Variants in YME1L1 observed in about 807,000 individuals in gnomAD.
YME1L1 encodes YME1 like 1 ATPase.
YME1L1 carries 39 observed loss-of-function variants against 90.4 expected under a neutral mutation model. The observed-to-expected ratio is 0.43, with a 90% confidence interval of 0.33 to 0.56. The LOEUF is 0.56. Among genes scored for constraint, YME1L1 ranks in the 20% least tolerant of loss-of-function variants. YME1L1 has a pLI of 0.03. For missense variants in YME1L1, 617 were observed against 868.4 expected (o/e 0.71, Z 3.64); for synonymous variants, 284 against 287.3 (o/e 0.99, Z 0.12).
At chr10:27,139,812 C>T (rs564070705) in intron 4 of YME1L1, among the ~76,000 whole-genome samples, 87 of 152,274 alleles carry the variant, frequency 5.7e-4, no homozygotes, top group African/African-American at 2.1e-3. Context: ...AATTCCCACT[C>T]ATACTTCTAA....
intron 8 of YME1L1, among the ~76,000 whole-genome samples, chr10:27,130,708 C>G (rs1342025560): frequency 6.6e-6 from 1 of 152,150 alleles, no homozygotes; most frequent in Non-Finnish European, 1.5e-5. Flanking sequence ...AAAAAATTAG[C>G]TGGGCGTGGT....
At position 27,111,875 on chromosome 10, in the gene YME1L1, C is replaced by T. The variant is rs772175527; in HGVS notation, c.*102G>A. ...CAAAGCATTTCACACCCTTCAATTACACCACATCAAGAATGAGGGGAAAGC... is the reference window on the plus strand; with the variant it reads ...CAAAGCATTTCACACCCTTCAATTATACCACATCAAGAATGAGGGGAAAGC... On this transcript the variant is annotated 3_prime_UTR_variant, in exon 19 of 19. Transcript: ENST00000376016. 1.5e-5 allele frequency: 21 copies of T among 1,427,472 alleles called. No individual in the cohort carries two copies. Among genetic ancestry groups the T allele is most frequent in the South Asian group, 1.0e-4 (9 of 86,668 alleles). 88.4% of individuals were successfully genotyped at this position (1,427,472 alleles called of 1,614,324 possible). A position where few individuals can be genotyped will look rare whatever the true frequency, so the allele number is the denominator to read the frequency against.
rs773820001 is a variant in YME1L1 at position 27,119,485 on chromosome 10, A to C, written c.1412-36T>G. On this transcript the variant is annotated intron_variant, in intron 13 of 18. Coordinates refer to ENST00000376016, the MANE Select transcript of YME1L1 (RefSeq NM_014263.4). ...AAGAGAACACAACGCTAATAAGTCTAAAACAGGTAAAAGAAAGCTCTTCAC... is the reference window on the plus strand; with the variant it reads ...AAGAGAACACAACGCTAATAAGTCTCAAACAGGTAAAAGAAAGCTCTTCAC... 7 of 1,574,866 alleles carry C rather than the reference A, an allele frequency of 4.4e-6. No individual in the cohort carries two copies. The African/African-American group carries it at 9.7e-5, about 22-fold the overall frequency.
intron 4 of YME1L1, 74 bp from the exon 5 acceptor site, chr10:27,136,459 C>G (rs2057028291): frequency 8.3e-7 from 1 of 1,202,178 alleles, no homozygotes; most frequent in South Asian, 1.3e-5. Context: ...ATTCTAAAGT[C>G]TGACACCCTA....
At chr10:27,147,440 A>G in intron 2 of YME1L1, 2 of 1,614,182 alleles carry the variant, frequency 1.2e-6, no homozygotes, top group Non-Finnish European at 1.7e-6. Flanking sequence ...GCCGTGACTA[A>G]GAACGATGGA....
intron 3 of YME1L1, among the ~76,000 whole-genome samples, chr10:27,144,824 A>G (rs1225110228): frequency 6.6e-6 from 1 of 152,210 alleles, no homozygotes; most frequent in Admixed American, 6.5e-5. Context: ...AAATTCAAAT[A>G]GTCTGTAGTT....
chr10:27,153,938 GTCTCTC>G (rs57837618), intron 1 of YME1L1, among the ~76,000 whole-genome samples: 1 of 152,030 alleles, frequency 6.6e-6, no homozygotes, highest in African/African-American at 2.4e-5. Context: ...ATAAGCCAGG[GTCTCTC>G]TCTATCACTG....
chr10:27,140,490 T>C (rs1348295777), intron 4 of YME1L1, among the ~76,000 whole-genome samples: 1 of 152,232 alleles, frequency 6.6e-6, no homozygotes, highest in African/African-American at 2.4e-5. Context: ...TTGTCTTTTT[T>C]GTTTTTTGAG....
At chr10:27,147,480 G>A in intron 2 of YME1L1, 2 of 1,614,136 alleles carry the variant, frequency 1.2e-6, no homozygotes, top group Non-Finnish European at 1.7e-6. Flanking sequence ...TAGGCATTTG[G>A]AGAAACCCGC....
chr10:27,134,148 A>T, intron 6 of YME1L1, 26 bp from the exon 7 acceptor site: 1 of 1,507,440 alleles, frequency 6.6e-7, no homozygotes, highest in Non-Finnish European at 9.1e-7. Context: ...AAAGCTTTAC[A>T]TGAAATCACA....
At chr10:27,150,071 C>T (rs1416678055) in intron 1 of YME1L1, among the ~76,000 whole-genome samples, 1 of 145,614 alleles carries the variant, frequency 6.9e-6, no homozygotes, top group African/African-American at 2.6e-5. Flanking sequence ...AGCAAAACTC[C>T]ATCTCAAAAT....
In YME1L1 at chr10:27,119,418, A is replaced by G. The variant is rs2135847463; in HGVS notation, c.1443T>C (p.Thr481=). 3.7e-6 allele frequency: 6 copies of G among 1,612,468 alleles called. No homozygotes were observed. The highest frequency in any genetic ancestry group is 4.2e-6 in the Non-Finnish European group (5 of 1,179,444). The change falls in exon 14 of 19, where the codon ACT becomes ACC. Residue 481 remains threonine, a synonymous_variant. Coordinates refer to ENST00000376016, the MANE Select transcript of YME1L1 (RefSeq NM_014263.4). Reference sequence around the variant, plus strand: ...CCAACTCTGCTCCGGAAAAGCCAACAGTACCTCGAGCTATAATTTCTGGAT... The same window carrying G: ...CCAACTCTGCTCCGGAAAAGCCAACGGTACCTCGAGCTATAATTTCTGGAT... ...SVDPEIIARG[T]VGFSGAELEN... is the part of the protein sequence containing the mutation.
intron 8 of YME1L1, among the ~76,000 whole-genome samples, chr10:27,128,747 A>G (rs2056945802): frequency 6.6e-6 from 1 of 151,900 alleles, no homozygotes; most frequent in Admixed American, 6.6e-5. Context: ...TCTACAAAAA[A>G]AAACTACAAA....
intron 9 of YME1L1, 21 bp from the exon 10 acceptor site, chr10:27,123,720 G>A: frequency 1.9e-6 from 3 of 1,575,930 alleles, no homozygotes; most frequent in Non-Finnish European, 2.6e-6. Flanking sequence ...ATGAAAACGA[G>A]AATGATTCAA....
chr10:27,150,905 TA>T (rs1299964471), intron 1 of YME1L1, among the ~76,000 whole-genome samples: 1 of 151,538 alleles, frequency 6.6e-6, no homozygotes, highest in Non-Finnish European at 1.5e-5. Context: ...GCTTTCACTT[TA>T]TAGACTCTCT....
chr10:27,151,301 G>C (rs1175280631), intron 1 of YME1L1, among the ~76,000 whole-genome samples: 1 of 152,184 alleles, frequency 6.6e-6, no homozygotes, highest in African/African-American at 2.4e-5. Flanking sequence ...AAAAATTCCA[G>C]TGTTTATCTC....
At chr10:27,126,646 CTTTGTT>C in intron 9 of YME1L1, 44 bp downstream of exon 9, 1 of 1,032,434 alleles carries the variant, frequency 9.7e-7, no homozygotes, top group East Asian at 2.8e-5. Context: ...TTGTTTGTTT[CTTTGTT>C]TTTGTTTTTT....
Position 27,122,826 on chromosome 10 carries a change from A to T in YME1L1, c.1235+15T>A. ...AGGCATCACCATATTCTAAGAAAAA[A>T]GAAGACTCAATTACCCATCCATTTC... On this transcript the variant is annotated intron_variant, in intron 11 of 18. Coordinates refer to ENST00000376016, the MANE Select transcript of YME1L1 (RefSeq NM_014263.4). 1 of 1,612,400 alleles carries T rather than the reference A, an allele frequency of 6.2e-7. No individual in the cohort carries two copies. The highest frequency in any genetic ancestry group is 8.5e-7 in the Non-Finnish European group (1 of 1,179,486).
chr10:27,125,458 G>A lies in YME1L1; in HGVS notation c.949+1238C>T, dbSNP rs375418671. Reference sequence around the variant, plus strand: ...AAGGAATTGTTTCATTGTTTCATTTGAAAAAAAAAAAAAAAAAAACAATAA... The same window carrying A: ...AAGGAATTGTTTCATTGTTTCATTTAAAAAAAAAAAAAAAAAAAACAATAA... On this transcript the variant is annotated intron_variant, in intron 9 of 18. Coordinates refer to ENST00000376016, the MANE Select transcript of YME1L1 (RefSeq NM_014263.4). Among the ~76,000 whole-genome samples, 371 of 107,594 alleles carry A rather than the reference G, an allele frequency of 3.4e-3. 1 individual carries two copies. Among genetic ancestry groups the A allele is most frequent in the African/African-American group, 4.8e-3 (134 of 28,052 alleles). The allele number at this position is 107,594 out of a possible 152,430, so 70.6% of individuals were successfully genotyped here.
Sources: gnomAD v4.1 joint callset for allele counts (sites outside exome capture counted in the v4.1 genomes callset) on GRCh38, gnomAD v4.1.1 for gene constraint, MANE v1.5 for transcripts, NCBI Gene and HGNC (gene_info 2026-07-23, HGNC 2026-07-21) for gene names.